Variants in ERBIN observed in about 807,000 individuals in gnomAD.
ERBIN encodes the protein densin-180-like protein.
A neutral mutation model predicts 158.4 loss-of-function variants in ERBIN; 60 were observed. That is an observed-to-expected ratio of 0.38 (90% CI 0.31 to 0.47). The LOEUF is 0.47. Among genes scored for constraint, ERBIN ranks in the 20% least tolerant of loss-of-function variants. The pLI is 0.99. For missense variants in ERBIN, 1,610 were observed against 1,648.0 expected, an observed-to-expected ratio of 0.98 and a Z score of 0.40; for synonymous variants, 594 against 557.2, an observed-to-expected ratio of 1.07 and a Z score of -0.93.
intron 1 of ERBIN, among the ~76,000 whole-genome samples, chr5:65,975,275 T>A (rs1175105211): frequency 6.6e-6 from 1 of 152,174 alleles, no homozygotes; most frequent in Non-Finnish European, 1.5e-5. Context: ...CCCAAAGTGC[T>A]GGGATTACAT....
In ERBIN at chr5:65,936,219, T is replaced by G. The variant is rs1326150568; in HGVS notation, c.-58+9413T>G. ...TAGGACCAGTGCAAGAAACTAGTGA[T>G]CTAAAAATGAATCTTGTTGCCAAGG... On this transcript the variant is annotated intron_variant, in intron 1 of 25. Coordinates refer to ENST00000284037, the MANE Select transcript of ERBIN (RefSeq NM_001253697.2). Among the ~76,000 whole-genome samples the G allele has an allele frequency of 2.0e-5, 3 of 152,052 alleles. No individual in the cohort carries two copies. The East Asian group carries it at 5.8e-4, about 29-fold the overall frequency.
At chr5:65,944,700 CTTA>C (rs1242837930) in intron 1 of ERBIN, among the ~76,000 whole-genome samples, 1 of 152,216 alleles carries the variant, frequency 6.6e-6, no homozygotes, top group East Asian at 1.9e-4. Context: ...TATACCTGGC[CTTA>C]TTATGGTTTT....
At chr5:66,065,359 AC>A (rs1611056) in intron 21 of ERBIN, among the ~76,000 whole-genome samples, 73,182 of 151,900 alleles carry the variant, frequency 0.48, 19,670 homozygotes, top group Non-Finnish European at 0.61. Context: ...TGATATGTAC[AC>A]CCTTAAGATT....
chr5:65,974,452 G>A (rs139231128), intron 1 of ERBIN, among the ~76,000 whole-genome samples: 9 of 152,364 alleles, frequency 5.9e-5, no homozygotes, highest in Non-Finnish European at 1.3e-4. Context: ...AAAAGCTCAC[G>A]TCTCATCCTA....
At chr5:65,928,921 G>A (rs998082570) in intron 1 of ERBIN, among the ~76,000 whole-genome samples, 1 of 152,122 alleles carries the variant, frequency 6.6e-6, no homozygotes, top group African/African-American at 2.4e-5. Context: ...TTCTAGTATG[G>A]TGTGGATTTT....
Position 66,034,476 on chromosome 5 carries a change from G to A in ERBIN, c.1207-3907G>A, listed in dbSNP as rs1420508684. Among the ~76,000 whole-genome samples the A allele has an allele frequency of 5.3e-5, 8 of 151,910 alleles. No homozygotes were observed. The South Asian group carries it at 6.2e-4, about 12-fold the overall frequency. On this transcript the variant is annotated intron_variant, in intron 14 of 25. Coordinates refer to ENST00000284037, the MANE Select transcript of ERBIN (RefSeq NM_001253697.2). ...AGCTTTTTGTATTTTTAGTAGAGACGGAGTTTCACCATGTTGGCCAGGCTG... is the reference window on the plus strand; with the variant it reads ...AGCTTTTTGTATTTTTAGTAGAGACAGAGTTTCACCATGTTGGCCAGGCTG...
In ERBIN at chr5:66,054,686, C is replaced by A. The variant is rs1168695855; in HGVS notation, c.3368C>A (p.Ser1123Ter). 6.2e-7 allele frequency: 1 copy of A among 1,614,048 alleles called. No homozygotes were observed. Among genetic ancestry groups the A allele is most frequent in the Non-Finnish European group, 8.5e-7 (1 of 1,179,970 alleles). Residue 1123 changes from serine to a stop codon, truncating the protein, a stop_gained, in exon 21 of 26, where the codon TCA (serine) becomes TAA (stop). Transcript: ENST00000284037. LOFTEE classifies it high-confidence loss of function. ...AGAACTCCTCCAATGATGCCAGGAT[C>A]ACAGAGACCCCTTTCTGCACGAACA... ...AGRTPPMMPG[S>*]QRPLSARTYS... is the part of the protein sequence containing the mutation.
intron 4 of ERBIN, among the ~76,000 whole-genome samples, chr5:66,004,052 C>T (rs1220298107): frequency 1.3e-5 from 2 of 150,832 alleles, no homozygotes; most frequent in Non-Finnish European, 2.9e-5. Context: ...AGGCTTCCCC[C>T]TCATCCTCCT....
intron 1 of ERBIN, chr5:65,984,855 G>A (rs1360251018): frequency 1.3e-5 from 2 of 151,494 alleles, no homozygotes; most frequent in Non-Finnish European, 2.9e-5. Context: ...ATCTAGCCAG[G>A]TATGTCTTGT....
At chr5:66,017,929 A>G (rs1328521727) in intron 7 of ERBIN, among the ~76,000 whole-genome samples, 7 of 152,082 alleles carry the variant, frequency 4.6e-5, no homozygotes, top group African/African-American at 1.7e-4. Context: ...AGCATCAATT[A>G]TTGAAGAAAC....
chr5:65,940,986 G>T (rs888089848), intron 1 of ERBIN, among the ~76,000 whole-genome samples: 1 of 152,134 alleles, frequency 6.6e-6, no homozygotes, highest in African/African-American at 2.4e-5. Flanking sequence ...AAATTCTTCT[G>T]CCTTGTGATC....
chr5:65,989,084 C>T lies in ERBIN; in HGVS notation c.-10+402C>T, dbSNP rs989103542. 4.2e-5 allele frequency among the ~76,000 whole-genome samples: 6 copies of T among 143,500 alleles called. No homozygotes were observed. In the Admixed American group the frequency reaches 4.2e-4, roughly 10 times the overall value. 94.1% of individuals were successfully genotyped at this position (143,500 alleles called of 152,430 possible). On this transcript the variant is annotated intron_variant, in intron 2 of 25. Coordinates refer to ENST00000284037, the MANE Select transcript of ERBIN (RefSeq NM_001253697.2). ...GAAGATTCTTATGTCTACAGTGTTA[C>T]TTCTGATTTATAAAGTGGCTCTTCC...
intron 19 of ERBIN, among the ~76,000 whole-genome samples, chr5:66,049,671 C>G (rs977888622): frequency 6.6e-6 from 1 of 152,060 alleles, no homozygotes; most frequent in Non-Finnish European, 1.5e-5. Context: ...ACAATCCGGA[C>G]TACTTGAGCT....
intron 1 of ERBIN, among the ~76,000 whole-genome samples, chr5:65,929,978 GTC>G (rs1156927549): frequency 6.6e-6 from 1 of 152,038 alleles, no homozygotes; most frequent in Non-Finnish European, 1.5e-5. Context: ...CTTTTTAGCT[GTC>G]TCTTCTTAGG....
chr5:66,055,246 G>C (rs1759473741), intron 21 of ERBIN: 1 of 372,592 alleles, frequency 2.7e-6, no homozygotes, highest in Non-Finnish European at 4.0e-6. Context: ...ACGTACCTCT[G>C]TTCAGCATTT....
intron 11 of ERBIN, 123 bp downstream of exon 11, chr5:66,025,675 A>C (rs548040721): frequency 1.1e-6 from 1 of 905,468 alleles, no homozygotes; most frequent in South Asian, 1.6e-5. Context: ...TAATTAGTAT[A>C]CAGGTTGAGT....
intron 8 of ERBIN, among the ~76,000 whole-genome samples, chr5:66,022,114 G>A (rs528608087): frequency 3.3e-5 from 5 of 152,014 alleles, no homozygotes; most frequent in Non-Finnish European, 7.4e-5. Flanking sequence ...GCTTGCTATA[G>A]TATTGCCCTG....
At chr5:66,043,257 A>G in intron 16 of ERBIN, 59 bp downstream of exon 16, 2 of 1,525,216 alleles carry the variant, frequency 1.3e-6, no homozygotes, top group Non-Finnish European at 1.8e-6. Flanking sequence ...TTAAGTTGGT[A>G]TTATATATAC....
At chr5:66,067,372 A>G (rs1761096075) in intron 21 of ERBIN, among the ~76,000 whole-genome samples, 1 of 152,204 alleles carries the variant, frequency 6.6e-6, no homozygotes, top group Admixed American at 6.5e-5. Context: ...GCTTGTTATG[A>G]TATTTCTGTA....
Sources: gnomAD v4.1 joint callset for allele counts (sites outside exome capture counted in the v4.1 genomes callset) on GRCh38, gnomAD v4.1.1 for gene constraint, MANE v1.5 for transcripts, NCBI Gene and HGNC (gene_info 2026-07-23, HGNC 2026-07-21) for gene names.